AK5: variants seen among roughly 807,000 people sequenced by gnomAD.
AK5 encodes the protein adenylate kinase 5.
Under a neutral mutation model 69.5 loss-of-function variants are expected in AK5, and 27 were observed. That is an observed-to-expected ratio of 0.39 (90% CI 0.29 to 0.54). AK5 has a LOEUF of 0.54. Among genes scored for constraint, AK5 ranks in the 20% least tolerant of loss-of-function variants. The pLI is 0.71. For missense variants in AK5, 531 were observed against 700.4 expected, an observed-to-expected ratio of 0.76 and a Z score of 2.73; for synonymous variants, 260 against 244.4, an observed-to-expected ratio of 1.06 and a Z score of -0.60.
chr1:77,448,474 C>T (rs2647506), intron 8 of AK5, among the ~76,000 whole-genome samples: 38,997 of 152,086 alleles, frequency 0.26, 5,264 homozygotes, highest in South Asian at 0.39. Context: ...CCAGTCTCCT[C>T]TCCACTGAGG....
intron 2 of AK5, among the ~76,000 whole-genome samples, chr1:77,290,123 A>G (rs1658602970): frequency 2.0e-5 from 3 of 152,212 alleles, no homozygotes; most frequent in African/African-American, 7.2e-5. Flanking sequence ...TAATCATCAA[A>G]TACAAACTTT....
chr1:77,344,801 T>G (rs1273982810), intron 6 of AK5, among the ~76,000 whole-genome samples: 1 of 152,086 alleles, frequency 6.6e-6, no homozygotes, highest in East Asian at 1.9e-4. Flanking sequence ...TTCTGAGATT[T>G]TAGTGTGCCC....
At chr1:77,532,021 G>A (rs1321705447) in intron 12 of AK5, 2 of 151,836 alleles carry the variant, frequency 1.3e-5, no homozygotes, top group Admixed American at 6.6e-5. Context: ...CCGAGTGCGG[G>A]GCTCGCGGAA....
In AK5 at chr1:77,350,903, T is replaced by C. The variant is rs142154674; in HGVS notation, c.891+10335T>C. 2.2e-3 allele frequency among the ~76,000 whole-genome samples: 329 copies of C among 152,302 alleles called. 1 individual carries two copies. The highest frequency in any genetic ancestry group is 7.5e-3 in the African/African-American group (311 of 41,572). On this transcript the variant is annotated intron_variant, in intron 6 of 13. Coordinates refer to ENST00000354567, the MANE Select transcript of AK5 (RefSeq NM_174858.3). ...AGAGTAGAGTCAGTTGAATCACAAA[T>C]TTTTCTTTCCACTAATAACTGTTTC...
chr1:77,443,044 C>T (rs1652427112), intron 8 of AK5, among the ~76,000 whole-genome samples: 1 of 152,154 alleles, frequency 6.6e-6, no homozygotes, highest in East Asian at 1.9e-4. Context: ...TGACAACTTT[C>T]ACACCTACCG....
At chr1:77,403,937 T>C (rs984442831) in intron 6 of AK5, among the ~76,000 whole-genome samples, 2 of 152,232 alleles carry the variant, frequency 1.3e-5, no homozygotes, top group Non-Finnish European at 2.9e-5. Context: ...GAGCATGGAA[T>C]GTTCTTCCAT....
rs909078333 is a variant in AK5, at chr1:77,389,891, G to A, written c.892-21090G>A. Among the ~76,000 whole-genome samples the A allele has an allele frequency of 2.5e-4, 38 of 152,096 alleles. 1 individual carries two copies. Among genetic ancestry groups the A allele is most frequent in the Non-Finnish European group, 8.8e-5 (6 of 68,024 alleles). On this transcript the variant is annotated intron_variant, in intron 6 of 13. Transcript: ENST00000354567. Reference sequence around the variant, plus strand: ...GTGGGAGGTTCACTTGAGCCCAAGAGGTGGAGGCTGCAGTGAGCCATGATC... The same window carrying A: ...GTGGGAGGTTCACTTGAGCCCAAGAAGTGGAGGCTGCAGTGAGCCATGATC...
intron 6 of AK5, among the ~76,000 whole-genome samples, chr1:77,377,852 C>T (rs1647349334): frequency 6.6e-6 from 1 of 152,062 alleles, no homozygotes; most frequent in Non-Finnish European, 1.5e-5. Context: ...CCCAGTATAC[C>T]TTTGCATGCC....
rs1654446582 is a variant in AK5, at chr1:77,470,858, TATATATATA to T, written c.1060-12458_1060-12450del. The stretch of plus-strand genomic sequence containing the variant: ...ATATATATATATATATATATATATA[TATATATATA>T]TATATATATTTTTTTTTTTTTTTTT... On this transcript the variant is annotated intron_variant, in intron 8 of 13. Transcript: ENST00000354567. Among the ~76,000 whole-genome samples the T allele has an allele frequency of 5.0e-3, 46 of 9,236 alleles. 3 individuals carry two copies. The highest frequency in any genetic ancestry group is 5.6e-3 in the Non-Finnish European group (30 of 5,364). The allele number at this position is 9,236 out of a possible 152,430, so 6.1% of individuals were successfully genotyped here. A position where few individuals can be genotyped will look rare whatever the true frequency, so the allele number is the denominator to read the frequency against.
At chr1:77,317,568 C>A (rs987214977) in intron 5 of AK5, among the ~76,000 whole-genome samples, 1 of 152,128 alleles carries the variant, frequency 6.6e-6, no homozygotes, top group African/African-American at 2.4e-5. Context: ...GTTTCTTGCT[C>A]ATCTTTTCAT....
intron 10 of AK5, among the ~76,000 whole-genome samples, chr1:77,504,073 G>C (rs2100269843): frequency 6.6e-6 from 1 of 152,122 alleles, no homozygotes; most frequent in East Asian, 1.9e-4. Flanking sequence ...AGCTTTTTCT[G>C]TTGTAAATTG....
intron 8 of AK5, among the ~76,000 whole-genome samples, chr1:77,455,936 G>A (rs1205436788): frequency 6.6e-6 from 1 of 152,222 alleles, no homozygotes; most frequent in Non-Finnish European, 1.5e-5. Context: ...CAGATCAAAA[G>A]CACCAGGAGT....
At chr1:77,318,675 T>G (rs547458048) in intron 5 of AK5, among the ~76,000 whole-genome samples, 18 of 152,060 alleles carry the variant, frequency 1.2e-4, no homozygotes, top group Non-Finnish European at 2.6e-4. Flanking sequence ...TTCAATACAC[T>G]TTGTTCTTGC....
intron 5 of AK5, among the ~76,000 whole-genome samples, chr1:77,335,090 A>T (rs1661279919): frequency 2.0e-5 from 3 of 152,162 alleles, no homozygotes; most frequent in Admixed American, 2.0e-4. Flanking sequence ...ACACTTCTTC[A>T]TAAAGAATAG....
chr1:77,536,978 C>T (rs1468629137), intron 13 of AK5, among the ~76,000 whole-genome samples: 1 of 152,194 alleles, frequency 6.6e-6, no homozygotes, highest in East Asian at 1.9e-4. Flanking sequence ...CATCCTTCCA[C>T]TCATCCCATA....
intron 13 of AK5, among the ~76,000 whole-genome samples, chr1:77,540,006 A>C (rs528728979): frequency 2.0e-5 from 3 of 152,336 alleles, no homozygotes; most frequent in Non-Finnish European, 2.9e-5. Context: ...TGCAGCCCAC[A>C]AATAGGCCAC....
At chr1:77,472,206 A>T (rs59076612) in intron 8 of AK5, among the ~76,000 whole-genome samples, 7,312 of 152,262 alleles carry the variant, frequency 0.048, 359 homozygotes, top group East Asian at 0.19. Flanking sequence ...AAGGTAGATG[A>T]TCCCAGAGTT....
intron 13 of AK5, among the ~76,000 whole-genome samples, chr1:77,557,617 A>G (rs1214810650): frequency 6.6e-6 from 1 of 152,056 alleles, no homozygotes; most frequent in Non-Finnish European, 1.5e-5. Flanking sequence ...ACACCTACAC[A>G]CTGCGGTCCT....
rs372898188 is a variant in AK5 at position 77,453,713 on chromosome 1, G to A, written c.1060-29604G>A. Among the ~76,000 whole-genome samples, 13 of 152,206 alleles carry A rather than the reference G, an allele frequency of 8.5e-5. No homozygotes were observed. The East Asian group carries it at 1.2e-3, about 14-fold the overall frequency. On this transcript the variant is annotated intron_variant, in intron 8 of 13. Transcript: ENST00000354567. ...AATCTCTAGGTGAATGGGAAGTTGG[G>A]AAATCAGCTCAGCCCTCTGGGCATC... is the stretch of plus-strand genomic sequence containing the variant.
Sources: gnomAD v4.1 joint callset for allele counts (sites outside exome capture counted in the v4.1 genomes callset) on GRCh38, gnomAD v4.1.1 for gene constraint, MANE v1.5 for transcripts, NCBI Gene and HGNC (gene_info 2026-07-23, HGNC 2026-07-21) for gene names.